The following JAKMIP1 variants were observed in gnomAD, a reference collection of about 807,000 sequenced individuals.
JAKMIP1 encodes janus kinase and microtubule interacting protein 1, also known as janus kinase and microtubule-interacting protein 1.
A neutral mutation model predicts 113.0 loss-of-function variants in JAKMIP1; 33 were observed. The ratio of observed to expected loss-of-function variants is 0.29; its 90% CI spans 0.22 to 0.39. The LOEUF is 0.39. Among genes scored for constraint, JAKMIP1 ranks in the 10% least tolerant of loss-of-function variants. JAKMIP1 has a pLI of 1.00. For synonymous variants in JAKMIP1, 480 were observed against 459.9 expected (o/e 1.04, Z -0.56); for missense variants, 813 against 1,080.5 (o/e 0.75, Z 3.47).
chr4:6,148,925 G>A (rs1721213012), intron 1 of JAKMIP1, among the ~76,000 whole-genome samples: 1 of 152,256 alleles, frequency 6.6e-6, no homozygotes, highest in Admixed American at 6.5e-5. Flanking sequence ...TGGGGACTGG[G>A]TGTGGTGAGA....
chr4:6,101,451 T>C (rs1048379858), intron 3 of JAKMIP1, among the ~76,000 whole-genome samples: 1 of 152,184 alleles, frequency 6.6e-6, no homozygotes, highest in African/African-American at 2.4e-5. Context: ...CAGCCTACTG[T>C]CTTGATTACT....
Position 6,154,465 on chromosome 4 carries a change from T to C in JAKMIP1, c.-147-41468A>G, listed in dbSNP as rs1253165944. 1.3e-5 allele frequency among the ~76,000 whole-genome samples: 2 copies of C among 151,130 alleles called. No individual in the cohort carries two copies. Among genetic ancestry groups the C allele is most frequent in the African/African-American group, 2.4e-5 (1 of 41,040 alleles). ...CAGAAGCCTTTAGTTCCCTGAGTGA[T>C]TGGACAAGGAATTTGTCAGATGTCT... On this transcript the variant is annotated intron_variant, in intron 1 of 20. Coordinates refer to ENST00000409021, the MANE Select transcript of JAKMIP1 (RefSeq NM_001099433.2). This position sits in a 1 kb window ranked among gnomAD's most constrained non-coding sequence, Gnocchi z 4.2.
Position 6,135,060 on chromosome 4 carries a change from G to A in JAKMIP1, c.-147-22063C>T, listed in dbSNP as rs987103327. ...GCTCGTGTATCTCTGGTCTGGTATC[G>A]TTGGGGCAGAGCTGCTCAGTCTCCA... On this transcript the variant is annotated intron_variant, in intron 1 of 20. Transcript: ENST00000409021. This position sits in a 1 kb window ranked among gnomAD's most constrained non-coding sequence, Gnocchi z 4.9. Among the ~76,000 whole-genome samples the A allele has an allele frequency of 4.7e-5, 7 of 150,416 alleles. No individual in the cohort carries two copies. The highest frequency in any genetic ancestry group is 1.5e-4 in the African/African-American group (6 of 40,802).
rs1003064647 is a variant in JAKMIP1 at position 6,049,583 on chromosome 4, C to T, written c.1962+236G>A. Among the ~76,000 whole-genome samples the T allele has an allele frequency of 1.3e-5, 2 of 152,088 alleles. No individual in the cohort carries two copies. The highest frequency in any genetic ancestry group is 4.8e-5 in the African/African-American group (2 of 41,390). ...TGCATTCTGGGTAGGGATTCTGAGG[C>T]TTTCCCGTCCCCTCCTCACTCAACA... On this transcript the variant is annotated intron_variant, in intron 15 of 20. Coordinates refer to ENST00000409021, the MANE Select transcript of JAKMIP1 (RefSeq NM_001099433.2). The surrounding 1 kb of genome is among the most constrained non-coding windows in gnomAD (Gnocchi z 7.0).
rs1486687831 is a variant in JAKMIP1 at position 6,192,470 on chromosome 4, C to T, written c.-148+7783G>A. On this transcript the variant is annotated intron_variant, in intron 1 of 20. Transcript: ENST00000409021. This position sits in a 1 kb window ranked among gnomAD's most constrained non-coding sequence, Gnocchi z 5.0. ...CACCGGCTGACAAACACCCACTGCA[C>T]GCAGACGCCACTGAGCCTGTTTTGG... 2.0e-5 allele frequency among the ~76,000 whole-genome samples: 3 copies of T among 152,182 alleles called. 1 individual carries two copies. The highest frequency in any genetic ancestry group is 4.4e-5 in the Non-Finnish European group (3 of 68,024).
intron 19 of JAKMIP1, among the ~76,000 whole-genome samples, chr4:6,033,031 G>T (rs1355652634): frequency 6.6e-6 from 1 of 152,204 alleles, no homozygotes; most frequent in Admixed American, 6.5e-5. Context: ...AGGACAAAGT[G>T]AATTTACACC....
chr4:6,026,952 G>A (rs1314005186), intron 20 of JAKMIP1, among the ~76,000 whole-genome samples: 1 of 150,190 alleles, frequency 6.7e-6, no homozygotes, highest in African/African-American at 2.5e-5. Context: ...CTTCCAATGT[G>A]GCCCAGGGAA....
chr4:6,067,146 T>C lies in JAKMIP1; in HGVS notation c.1303-2138A>G, dbSNP rs1326636680. 6.6e-6 allele frequency among the ~76,000 whole-genome samples: 1 copy of C among 152,218 alleles called. No homozygotes were observed. The highest frequency in any genetic ancestry group is 6.5e-5 in the Admixed American group (1 of 15,290). On this transcript the variant is annotated intron_variant, in intron 8 of 20. Coordinates refer to ENST00000409021, the MANE Select transcript of JAKMIP1 (RefSeq NM_001099433.2). The surrounding 1 kb of genome is among the most constrained non-coding windows in gnomAD (Gnocchi z 4.6). ...TGACGTAAGATCTGGCAAGCTATTG[T>C]GTTTACTGATGGTCTTCCCCCTACC...
At chr4:6,075,675 C>G (rs1719602174) in intron 8 of JAKMIP1, among the ~76,000 whole-genome samples, 1 of 152,224 alleles carries the variant, frequency 6.6e-6, no homozygotes, top group Non-Finnish European at 1.5e-5. Context: ...CATACAAGTA[C>G]ATTTTTCCAG....
In JAKMIP1 at chr4:6,141,587, C is replaced by T. The variant is rs149663807; in HGVS notation, c.-147-28590G>A. Among the ~76,000 whole-genome samples the T allele has an allele frequency of 6.6e-6, 1 of 152,224 alleles. No individual in the cohort carries two copies. The highest frequency in any genetic ancestry group is 1.5e-5 in the Non-Finnish European group (1 of 68,042). ...TAAATAATTTTATGGGCAACAGCAC[C>T]TATGCCCCAGGGCCTGGCCTGTGAA... On this transcript the variant is annotated intron_variant, in intron 1 of 20. Transcript: ENST00000409021. This position sits in a 1 kb window ranked among gnomAD's most constrained non-coding sequence, Gnocchi z 9.4.
intron 1 of JAKMIP1, among the ~76,000 whole-genome samples, chr4:6,132,746 T>C (rs972629926): frequency 3.3e-5 from 5 of 152,030 alleles, no homozygotes; most frequent in South Asian, 2.1e-4. Context: ...ACTATAGATA[T>C]TAATCCACCT....
At chr4:6,045,675 C>T (rs570227886) in intron 16 of JAKMIP1, among the ~76,000 whole-genome samples, 1 of 152,304 alleles carries the variant, frequency 6.6e-6, no homozygotes, top group African/African-American at 2.4e-5. Flanking sequence ...GAGTTTGAGA[C>T]CAGCCTAACC....
chr4:6,092,315 C>T (rs1722168316), intron 3 of JAKMIP1, among the ~76,000 whole-genome samples: 1 of 152,200 alleles, frequency 6.6e-6, no homozygotes, highest in Non-Finnish European at 1.5e-5. Context: ...AAGTCATTCA[C>T]TTTCCCTAGA....
Position 6,065,050 on chromosome 4 carries a change from T to G in JAKMIP1, c.1303-42A>C, listed in dbSNP as rs767663774. ...GTATGATGTTAGCAACGACTGAGGA[T>G]TGCCAGAGTCTACCAGTCCCTGGTC... On this transcript the variant is annotated intron_variant, in intron 8 of 20. Transcript: ENST00000409021. The surrounding 1 kb of genome is among the most constrained non-coding windows in gnomAD (Gnocchi z 5.1). 1 of 1,612,614 alleles carries G rather than the reference T, an allele frequency of 6.2e-7. No individual in the cohort carries two copies. The highest frequency in any genetic ancestry group is 1.3e-5 in the African/African-American group (1 of 74,906).
intron 20 of JAKMIP1, among the ~76,000 whole-genome samples, chr4:6,028,201 C>A (rs926827860): frequency 2.6e-5 from 4 of 152,240 alleles, no homozygotes; most frequent in African/African-American, 7.2e-5. Context: ...ATCCCTCAAG[C>A]AATTCTTAAA....
At position 6,097,929 on chromosome 4, in the gene JAKMIP1, A is replaced by G. The variant is rs779667057; in HGVS notation, c.624+7544T>C. On this transcript the variant is annotated intron_variant, in intron 3 of 20. Transcript: ENST00000409021. The surrounding 1 kb of genome is among the most constrained non-coding windows in gnomAD (Gnocchi z 4.3). ...CTCTCTCCGTGGAACCGGAAAGAATAATTAAAATGCAATGCCCTTTATGGC... is the reference window on the plus strand; with the variant it reads ...CTCTCTCCGTGGAACCGGAAAGAATGATTAAAATGCAATGCCCTTTATGGC... Among the ~76,000 whole-genome samples, 47 of 152,340 alleles carry G rather than the reference A, an allele frequency of 3.1e-4. No individual in the cohort carries two copies. Among genetic ancestry groups the G allele is most frequent in the Admixed American group, 4.6e-4 (7 of 15,308 alleles).
At chr4:6,063,870 A>G (rs551304233) in intron 9 of JAKMIP1, among the ~76,000 whole-genome samples, 1 of 152,224 alleles carries the variant, frequency 6.6e-6, no homozygotes, top group Non-Finnish European at 1.5e-5. Context: ...TGCAGTGCCC[A>G]GTCCCTCACC....
rs555823155 is a variant in JAKMIP1 at position 6,030,786 on chromosome 4, G to T, written c.2380-1005C>A. ...GAGAAGCCATCTCACATTCCGTAGG[G>T]CAGTGATTCTCCAGCCTGTGTCAGC... is the stretch of plus-strand genomic sequence containing the variant. On this transcript the variant is annotated intron_variant, in intron 19 of 20. Coordinates refer to ENST00000409021, the MANE Select transcript of JAKMIP1 (RefSeq NM_001099433.2). Among the ~76,000 whole-genome samples, 4 of 152,320 alleles carry T rather than the reference G, an allele frequency of 2.6e-5. No individual in the cohort carries two copies. In the South Asian group the frequency reaches 8.3e-4, roughly 32 times the overall value.
At position 6,071,647 on chromosome 4, in the gene JAKMIP1, C is replaced by T. The variant is rs577906891; in HGVS notation, c.1303-6639G>A. Among the ~76,000 whole-genome samples, 56 of 152,354 alleles carry T rather than the reference C, an allele frequency of 3.7e-4. 1 individual carries two copies. The highest frequency in any genetic ancestry group is 1.3e-3 in the African/African-American group (55 of 41,580). ...GGTGTTTGCTACCCTGGACAAGGTA[C>T]CCAGTCGGCCTCTGTGGCCAGGTCA... On this transcript the variant is annotated intron_variant, in intron 8 of 20. Coordinates refer to ENST00000409021, the MANE Select transcript of JAKMIP1 (RefSeq NM_001099433.2).
Sources: allele counts gnomAD v4.1 joint callset (sites outside exome capture counted in the v4.1 genomes callset), GRCh38; gene constraint gnomAD v4.1.1; non-coding constraint Gnocchi (gnomAD v3.1); transcripts MANE v1.5; gene names NCBI Gene and HGNC (gene_info 2026-07-23, HGNC 2026-07-21).